Variants in PRKCE observed in about 807,000 individuals in gnomAD.
PRKCE encodes the protein protein kinase C epsilon type.
Under a neutral mutation model 85.4 loss-of-function variants are expected in PRKCE, and 16 were observed. That is an observed-to-expected ratio of 0.19 (90% confidence interval 0.13 to 0.28). The LOEUF (loss-of-function observed/expected upper bound fraction) is 0.28. PRKCE is among the 10% of genes least tolerant of loss of function. PRKCE has a pLI of 1.00. For missense variants in PRKCE, 573 were observed against 975.2 expected (o/e 0.59, Z 5.49); for synonymous variants, 388 against 371.5 (o/e 1.04, Z -0.51).
At chr2:45,933,027 T>C (rs1205728767) in intron 2 of PRKCE, among the ~76,000 whole-genome samples, 2 of 152,252 alleles carry the variant, frequency 1.3e-5, no homozygotes, top group African/African-American at 2.4e-5. Flanking sequence ...TCCACCATTC[T>C]TTGATTTTAT....
chr2:45,841,123 G>A (rs1691310889), intron 1 of PRKCE, among the ~76,000 whole-genome samples: 1 of 152,154 alleles, frequency 6.6e-6, no homozygotes, highest in Non-Finnish European at 1.5e-5. Flanking sequence ...AGAGGTAGAT[G>A]GACAATGTAT....
intron 1 of PRKCE, among the ~76,000 whole-genome samples, chr2:45,805,039 A>G (rs955431042): frequency 2.0e-5 from 3 of 151,068 alleles, no homozygotes; most frequent in African/African-American, 7.3e-5. Flanking sequence ...GGCTGGATAT[A>G]TGGAAGCCAA....
intron 10 of PRKCE, among the ~76,000 whole-genome samples, chr2:46,013,615 A>C (rs1027609886): frequency 6.6e-6 from 1 of 152,194 alleles, no homozygotes; most frequent in Admixed American, 6.5e-5. Context: ...GAGCCACCTT[A>C]AACCTGGTTT....
chr2:45,717,045 ATGAG>A (rs1680186044), intron 1 of PRKCE, among the ~76,000 whole-genome samples: 1 of 3,960 alleles, frequency 2.5e-4, no homozygotes, highest in Admixed American at 2.2e-3. Context: ...GTACTACAAG[ATGAG>A]ATGAGATTTG....
At chr2:46,021,227 T>A (rs1369485895) in intron 10 of PRKCE, among the ~76,000 whole-genome samples, 1 of 152,086 alleles carries the variant, frequency 6.6e-6, no homozygotes, top group East Asian at 1.9e-4. Context: ...GAAGACAACC[T>A]TGTGAGGAGG....
intron 1 of PRKCE, among the ~76,000 whole-genome samples, chr2:45,776,155 A>G (rs1257516900): frequency 1.3e-5 from 2 of 152,250 alleles, no homozygotes. Flanking sequence ...GGAGTTGAAG[A>G]GATTTAGAAT....
chr2:45,817,106 T>TGTGTGG (rs1034596979), intron 1 of PRKCE, among the ~76,000 whole-genome samples: 12 of 146,604 alleles, frequency 8.2e-5, no homozygotes, highest in Admixed American at 2.8e-4. Flanking sequence ...TGTGTGTGTG[T>TGTGTGG]GTGTTGTGGG....
At chr2:45,975,397 A>C (rs1475963538) in intron 2 of PRKCE, among the ~76,000 whole-genome samples, 1 of 152,178 alleles carries the variant, frequency 6.6e-6, no homozygotes, top group Non-Finnish European at 1.5e-5. Context: ...GTGGACATCC[A>C]AGATCAGGGA....
chr2:46,045,554 G>T (rs1327566537), intron 10 of PRKCE, among the ~76,000 whole-genome samples: 1 of 152,182 alleles, frequency 6.6e-6, no homozygotes, highest in Non-Finnish European at 1.5e-5. Flanking sequence ...TCCTCCCTCT[G>T]GTATCAAGGG....
intron 6 of PRKCE, among the ~76,000 whole-genome samples, chr2:45,993,371 C>T (rs149059680): frequency 6.6e-6 from 1 of 152,334 alleles, no homozygotes; most frequent in Admixed American, 6.5e-5. Flanking sequence ...CTTTTCAAAG[C>T]ACTTTCAAAG....
chr2:45,662,355 A>G (rs370119694), intron 1 of PRKCE, among the ~76,000 whole-genome samples: 2 of 152,224 alleles, frequency 1.3e-5, no homozygotes, highest in African/African-American at 4.8e-5. Context: ...CTGTAAAATT[A>G]CAACCGAGAA....
At chr2:46,000,815 C>T (rs1416429429) in intron 6 of PRKCE, 2 of 152,220 alleles carry the variant, frequency 1.3e-5, no homozygotes, top group African/African-American at 2.4e-5. Context: ...CAGTAAGTTG[C>T]GATTCTCTGT....
chr2:45,928,672 G>A (rs546096316), intron 2 of PRKCE, among the ~76,000 whole-genome samples: 5 of 152,198 alleles, frequency 3.3e-5, no homozygotes, highest in African/African-American at 4.8e-5. Flanking sequence ...ATGCCGAAGC[G>A]TCTTTGCTAG....
chr2:45,908,063 G>T (rs1412049700), intron 2 of PRKCE, among the ~76,000 whole-genome samples: 2 of 152,138 alleles, frequency 1.3e-5, no homozygotes, highest in Non-Finnish European at 2.9e-5. Context: ...AGTGTGAGTG[G>T]CTGGTTAATG....
At chr2:45,873,391 G>C (rs952943099) in intron 2 of PRKCE, among the ~76,000 whole-genome samples, 1 of 151,906 alleles carries the variant, frequency 6.6e-6, no homozygotes, top group Non-Finnish European at 1.5e-5. Context: ...GTCACATGGT[G>C]GCTTGTTTGT....
intron 2 of PRKCE, among the ~76,000 whole-genome samples, chr2:45,855,799 G>A (rs1308759563): frequency 6.6e-6 from 1 of 152,146 alleles, no homozygotes; most frequent in Non-Finnish European, 1.5e-5. Flanking sequence ...TGGGTAGAAA[G>A]CTTCTCACTG....
intron 11 of PRKCE, among the ~76,000 whole-genome samples, chr2:46,094,743 T>G (rs1172389371): frequency 6.6e-6 from 1 of 151,948 alleles, no homozygotes; most frequent in Non-Finnish European, 1.5e-5. Context: ...TGGCATGCAT[T>G]TACCTGTATA....
chr2:45,864,931 C>T (rs1194356278), intron 2 of PRKCE, among the ~76,000 whole-genome samples: 1 of 152,204 alleles, frequency 6.6e-6, no homozygotes, highest in Non-Finnish European at 1.5e-5. Flanking sequence ...TGGGCTCCAC[C>T]TTCACAATTT....
At chr2:45,929,417 G>A (rs533362910) in intron 2 of PRKCE, among the ~76,000 whole-genome samples, 50 of 152,196 alleles carry the variant, frequency 3.3e-4, no homozygotes, top group African/African-American at 1.0e-3. Flanking sequence ...CTTTTTAACC[G>A]TGTTTAATTC....
Sources: allele counts gnomAD v4.1 joint callset (sites outside exome capture counted in the v4.1 genomes callset), GRCh38; gene constraint gnomAD v4.1.1; transcripts MANE v1.5; gene names NCBI Gene and HGNC (gene_info 2026-07-23, HGNC 2026-07-21).